Variants in TPO observed in about 807,000 individuals in gnomAD.
The protein encoded by TPO is thyroid peroxidase.
In TPO, 78 loss-of-function variants were observed where a neutral mutation model predicts 96.9. The ratio of observed to expected loss-of-function variants is 0.81; its 90% CI spans 0.67 to 0.97. The LOEUF is 0.97. Ranked by LOEUF, TPO falls within the 50% of genes least tolerant of loss-of-function variation. The pLI, the probability that TPO is intolerant of heterozygous loss-of-function variation, is 0.00. For synonymous variants in TPO, 547 were observed against 538.0 expected (o/e 1.02, Z -0.23); for missense variants, 1,252 against 1,274.8 (o/e 0.98, Z 0.27).
chr2:1,459,807 G>GTC (rs1031812663), intron 7 of TPO, among the ~76,000 whole-genome samples: 4 of 152,088 alleles, frequency 2.6e-5, no homozygotes, highest in South Asian at 2.1e-4. Context: ...CTGGGAGGAG[G>GTC]TCTCTCTCTC....
Position 1,484,618 on chromosome 2 carries a change from TC to T in TPO, c.1365del (p.Arg456GlyfsTer46). The T allele has an allele frequency of 1.9e-6, 3 of 1,614,068 alleles. No homozygotes were observed. Among genetic ancestry groups the T allele is most frequent in the Non-Finnish European group, 2.5e-6 (3 of 1,180,028 alleles). On this transcript the variant is annotated frameshift_variant, in exon 9 of 17. Coordinates refer to ENST00000329066, the MANE Select transcript of TPO (RefSeq NM_001206744.2). LOFTEE classifies it high-confidence loss of function. ...CAGATCATCACCCTGAGGGATTACA[TC>T]CCCAGGATCCTGGGACCCGAGGCCT... Reference protein sequence around the residue: ...LHQIITLRDYIPRILGPEAFQ... With the variant: ...LHQIITLRDYXPRILGPEAFQ...
chr2:1,489,960 C>T (rs955409941), intron 10 of TPO, among the ~76,000 whole-genome samples: 5 of 116,872 alleles, frequency 4.3e-5, no homozygotes, highest in Non-Finnish European at 9.5e-5. Flanking sequence ...AGTGTAAGAG[C>T]CGCCACGTGG....
At chr2:1,393,300 A>T (rs570462527) in intron 1 of TPO, among the ~76,000 whole-genome samples, 2 of 152,210 alleles carry the variant, frequency 1.3e-5, no homozygotes, top group South Asian at 2.1e-4. Context: ...CTGCTAACCC[A>T]TTCGTGAGAA....
At chr2:1,424,410 A>G (rs548933545) in intron 3 of TPO, among the ~76,000 whole-genome samples, 86 of 152,280 alleles carry the variant, frequency 5.6e-4, no homozygotes, top group African/African-American at 1.8e-3. Flanking sequence ...TGTCTGACCC[A>G]CCACCTTCCA....
At chr2:1,512,307 C>G in intron 14 of TPO, 1 of 736,590 alleles carries the variant, frequency 1.4e-6, no homozygotes, top group Non-Finnish European at 1.7e-6. Context: ...CCAAATGTGT[C>G]TCTAGAGTTG....
At chr2:1,406,218 A>G (rs1467293608) in intron 1 of TPO, among the ~76,000 whole-genome samples, 2 of 152,232 alleles carry the variant, frequency 1.3e-5, no homozygotes, top group Non-Finnish European at 2.9e-5. Context: ...TTCACCACTC[A>G]GATTAGGGAA....
At chr2:1,378,156 G>C (rs773236806) in intron 1 of TPO, among the ~76,000 whole-genome samples, 9 of 152,186 alleles carry the variant, frequency 5.9e-5, no homozygotes, top group South Asian at 4.1e-4. Context: ...CTGTGAGTTC[G>C]TTAAACCTCT....
intron 15 of TPO, among the ~76,000 whole-genome samples, chr2:1,530,689 T>G (rs1275934158): frequency 8.1e-5 from 1 of 12,400 alleles, no homozygotes; most frequent in African/African-American, 3.2e-4. Context: ...CAAATCCCCC[T>G]ACTGTGTGCA....
At chr2:1,478,323 C>T (rs1201808158) in intron 8 of TPO, 69 of 985,404 alleles carry the variant, frequency 7.0e-5, no homozygotes, top group African/African-American at 8.7e-5. Context: ...GTTTGATATG[C>T]GAGTCACCGT....
At chr2:1,474,878 A>C (rs1163195560) in intron 7 of TPO, among the ~76,000 whole-genome samples, 1 of 152,172 alleles carries the variant, frequency 6.6e-6, no homozygotes, top group Non-Finnish European at 1.5e-5. Context: ...TCTTTTATTC[A>C]TAGTTAATTA....
intron 1 of TPO, among the ~76,000 whole-genome samples, chr2:1,396,689 C>G (rs1662084995): frequency 6.6e-6 from 1 of 152,114 alleles, no homozygotes; most frequent in Admixed American, 6.5e-5. Flanking sequence ...CCCACCTTTG[C>G]CATCAGGTAG....
rs1473936 is a variant in TPO at position 1,433,391 on chromosome 2, A to C, written c.180-47A>C. 424,730 of 1,605,528 alleles carry C rather than the reference A, an allele frequency of 0.26. 61,700 individuals carry two copies. The highest frequency in any genetic ancestry group is 0.47 in the African/African-American group (35,008 of 74,578). On this transcript the variant is annotated intron_variant, in intron 3 of 16. Coordinates refer to ENST00000329066, the MANE Select transcript of TPO (RefSeq NM_001206744.2). ...ATTAATTAGTAATTAAGTACCAAAG[A>C]TACCATAGACAAATAATCTATTTTA...
At chr2:1,446,064 G>A (rs1666779635) in intron 5 of TPO, among the ~76,000 whole-genome samples, 1 of 152,182 alleles carries the variant, frequency 6.6e-6, no homozygotes, top group Admixed American at 6.5e-5. Context: ...GGGCTTGGGG[G>A]TGAATCTGGA....
chr2:1,496,060 G>C lies in TPO; in HGVS notation c.2078G>C (p.Arg693Pro). The change falls in exon 12 of 17, where the codon CGG becomes CCG. Residue 693 changes from arginine to proline, a missense_variant. Arg to Pro is a moderately radical substitution (Grantham distance 103). Coordinates refer to ENST00000329066, the MANE Select transcript of TPO (RefSeq NM_001206744.2). ...GAGCTGGAGAAGCACTCCCTGTCTCGGGTCATCTGTGACAACACTGGCCTC... is the reference window on the plus strand; with the variant it reads ...GAGCTGGAGAAGCACTCCCTGTCTCCGGTCATCTGTGACAACACTGGCCTC... ...RRELEKHSLSRVICDNTGLTR... is the reference protein window; with the variant it reads ...RRELEKHSLSPVICDNTGLTR... The C allele has an allele frequency of 1.2e-6, 2 of 1,613,970 alleles. No individual in the cohort carries two copies. The highest frequency in any genetic ancestry group is 2.2e-5 in the East Asian group (1 of 44,874).
At chr2:1,483,784 G>A (rs1311477227) in intron 8 of TPO, among the ~76,000 whole-genome samples, 2 of 152,312 alleles carry the variant, frequency 1.3e-5, no homozygotes, top group East Asian at 3.9e-4. Context: ...TGAAGGCCCA[G>A]GCCACACAAG....
At chr2:1,379,465 T>G (rs4927650) in intron 1 of TPO, among the ~76,000 whole-genome samples, 113,289 of 152,016 alleles carry the variant, frequency 0.75, 43,043 homozygotes, top group African/African-American at 0.9. Context: ...TGATCACGAG[T>G]CACCTTGGAA....
chr2:1,380,124 G>A (rs1299813901), intron 1 of TPO, among the ~76,000 whole-genome samples: 9 of 152,168 alleles, frequency 5.9e-5, no homozygotes, highest in Admixed American at 5.9e-4. Flanking sequence ...GCCAGGTGCG[G>A]TGGCTCACGC....
At chr2:1,395,134 T>A (rs1662060992) in intron 1 of TPO, among the ~76,000 whole-genome samples, 1 of 152,176 alleles carries the variant, frequency 6.6e-6, no homozygotes, top group South Asian at 2.1e-4. Context: ...GCCACTTCTC[T>A]TTCTCTAAAT....
intron 1 of TPO, among the ~76,000 whole-genome samples, chr2:1,389,273 G>A (rs757806287): frequency 3.4e-4 from 52 of 152,226 alleles, no homozygotes; most frequent in African/African-American, 7.9e-4. Flanking sequence ...AGTTCTTGTC[G>A]TGGCCAAGTC....
Sources: gnomAD v4.1 joint callset for allele counts (sites outside exome capture counted in the v4.1 genomes callset) on GRCh38, gnomAD v4.1.1 for gene constraint, MANE v1.5 for transcripts, NCBI Gene and HGNC (gene_info 2026-07-23, HGNC 2026-07-21) for gene names.